Variants in LRRFIP2 observed in about 807,000 individuals in gnomAD.
LRRFIP2 encodes leucine-rich repeat flightless-interacting protein 2.
Under a neutral mutation model 125.9 loss-of-function variants are expected in LRRFIP2, and 109 were observed. The observed-to-expected ratio is 0.87, with a 90% CI of 0.74 to 1.01. LRRFIP2 has a LOEUF of 1.01. LRRFIP2 is among the 50% of genes least tolerant of loss of function. LRRFIP2 has a pLI of 0.00. For missense variants in LRRFIP2, 850 were observed against 862.3 expected (o/e 0.99, Z 0.18); for synonymous variants, 291 against 293.1 (o/e 0.99, Z 0.07).
In LRRFIP2 at chr3:37,100,212, C is replaced by T. The variant is rs79381289; in HGVS notation, c.873+2712G>A. ...ATACACAAATCACCTGTAATCCCAG[C>T]GCTTTGAGAGACTGAGGCAGGAAGA... On this transcript the variant is annotated intron_variant, in intron 15 of 27. Transcript: ENST00000336686. Among the ~76,000 whole-genome samples the T allele has an allele frequency of 6.1e-4, 93 of 152,072 alleles. No homozygotes were observed. In the East Asian group the frequency reaches 9.5e-3, roughly 15 times the overall value.
chr3:37,100,635 C>G (rs2093988177), intron 15 of LRRFIP2, among the ~76,000 whole-genome samples: 1 of 151,982 alleles, frequency 6.6e-6, no homozygotes, highest in Non-Finnish European at 1.5e-5. Context: ...TATGTAAGTA[C>G]TAAAGTAAAT....
intron 16 of LRRFIP2, among the ~76,000 whole-genome samples, chr3:37,096,248 C>A (rs1270715192): frequency 6.6e-6 from 1 of 152,088 alleles, no homozygotes; most frequent in East Asian, 1.9e-4. Context: ...TATTTTACTT[C>A]AAGAAACAAT....
intron 25 of LRRFIP2, among the ~76,000 whole-genome samples, chr3:37,058,300 C>T (rs557469726): frequency 4.6e-5 from 7 of 152,208 alleles, no homozygotes; most frequent in African/African-American, 1.2e-4. Context: ...AGCCTCTATT[C>T]AGCTATATTG....
chr3:37,065,964 C>T (rs770304372), intron 22 of LRRFIP2, 22 bp from the exon 23 acceptor site: 1 of 1,613,992 alleles, frequency 6.2e-7, no homozygotes, highest in South Asian at 1.1e-5. Context: ...AAAAACCCAC[C>T]ATCACAAAAG....
At chr3:37,118,286 C>A (rs1365409853) in intron 6 of LRRFIP2, among the ~76,000 whole-genome samples, 2 of 152,170 alleles carry the variant, frequency 1.3e-5, no homozygotes, top group Non-Finnish European at 2.9e-5. Context: ...CCAGGCTGAT[C>A]TCAAACTCCT....
intron 19 of LRRFIP2, among the ~76,000 whole-genome samples, chr3:37,075,726 A>C (rs935582103): frequency 8.5e-5 from 13 of 152,154 alleles, no homozygotes; most frequent in Non-Finnish European, 1.9e-4. Flanking sequence ...TGAAAGAAAA[A>C]CACAAGAAAA....
At chr3:37,063,546 A>G (rs1036290272) in intron 24 of LRRFIP2, among the ~76,000 whole-genome samples, 196 bp downstream of exon 24, 4 of 152,254 alleles carry the variant, frequency 2.6e-5, no homozygotes, top group Admixed American at 2.6e-4. Context: ...GACTCCTTAA[A>G]CTATGTGTCC....
chr3:37,085,930 A>G (rs1423261974), intron 18 of LRRFIP2, among the ~76,000 whole-genome samples: 1 of 152,198 alleles, frequency 6.6e-6, no homozygotes, highest in Admixed American at 6.5e-5. Flanking sequence ...GAAAGTAAAA[A>G]GACAACCCAC....
intron 6 of LRRFIP2, among the ~76,000 whole-genome samples, chr3:37,117,860 A>G (rs2094864563): frequency 6.6e-6 from 1 of 152,210 alleles, no homozygotes; most frequent in Admixed American, 6.5e-5. Context: ...TTTTGGGTGT[A>G]CTGGCTCTAC....
intron 19 of LRRFIP2, among the ~76,000 whole-genome samples, chr3:37,081,763 C>T (rs2149026868): frequency 6.6e-6 from 1 of 151,914 alleles, no homozygotes; most frequent in African/African-American, 2.4e-5. Context: ...TGGTACGTGC[C>T]TGTAGTCCCA....
At chr3:37,076,893 A>G (rs1196118908) in intron 19 of LRRFIP2, among the ~76,000 whole-genome samples, 3 of 152,150 alleles carry the variant, frequency 2.0e-5, no homozygotes, top group Non-Finnish European at 4.4e-5. Context: ...AAAACTAGAA[A>G]GAAAGAAAAC....
intron 15 of LRRFIP2, among the ~76,000 whole-genome samples, chr3:37,097,704 A>C (rs1431348542): frequency 6.6e-6 from 1 of 152,182 alleles, no homozygotes; most frequent in Non-Finnish European, 1.5e-5. Context: ...CAGTATTTCA[A>C]GAAGGGAGGT....
At chr3:37,123,390 T>C (rs1174586162) in intron 4 of LRRFIP2, among the ~76,000 whole-genome samples, 1 of 152,214 alleles carries the variant, frequency 6.6e-6, no homozygotes, top group Admixed American at 6.5e-5. Context: ...GGTTTCGCCA[T>C]GTTGGCCAGG....
rs562651068 is a variant in LRRFIP2 at position 37,102,825 on chromosome 3, T to C, written c.873+99A>G. 28 of 823,364 alleles carry C rather than the reference T, an allele frequency of 3.4e-5. No individual in the cohort carries two copies. The African/African-American group carries it at 3.8e-4, about 11-fold the overall frequency. 51.0% of individuals were successfully genotyped at this position (823,364 alleles called of 1,614,324 possible). ...CCCAAACAAATATTTCTTAAGACAA[T>C]AAATCAAGTTCCCACTTTTATTATA... On this transcript the variant is annotated intron_variant, in intron 15 of 27. Transcript: ENST00000336686.
At chr3:37,144,633 A>AAAG (rs2095810880) in intron 2 of LRRFIP2, among the ~76,000 whole-genome samples, 1 of 152,214 alleles carries the variant, frequency 6.6e-6, no homozygotes, top group African/African-American at 2.4e-5. Flanking sequence ...AATGACTTTA[A>AAAG]AAGAAGAAAA....
chr3:37,095,994 T>C (rs1229764550), intron 16 of LRRFIP2, among the ~76,000 whole-genome samples: 1 of 152,182 alleles, frequency 6.6e-6, no homozygotes, highest in Non-Finnish European at 1.5e-5. Context: ...GATATTTGGA[T>C]TAAATAAAAT....
intron 1 of LRRFIP2, among the ~76,000 whole-genome samples, chr3:37,158,724 G>C (rs1217958269): frequency 6.6e-6 from 1 of 151,818 alleles, no homozygotes; most frequent in African/African-American, 2.4e-5. Flanking sequence ...AAAAAGTAAG[G>C]GAAATGGGAA....
chr3:37,097,259 C>CGT (rs2093768552), intron 15 of LRRFIP2, among the ~76,000 whole-genome samples: 2 of 151,390 alleles, frequency 1.3e-5, no homozygotes, highest in Non-Finnish European at 2.9e-5. Context: ...CCTACCATGC[C>CGT]ATACCCTGAC....
At chr3:37,091,681 C>CT in intron 17 of LRRFIP2, 143 bp from the exon 18 acceptor site, 1 of 614,086 alleles carries the variant, frequency 1.6e-6, no homozygotes, top group Non-Finnish European at 2.8e-6. Flanking sequence ...ATAACTCCCA[C>CT]TCCCAACCAC....
Sources: gnomAD v4.1 joint callset for allele counts (sites outside exome capture counted in the v4.1 genomes callset) on GRCh38, gnomAD v4.1.1 for gene constraint, MANE v1.5 for transcripts, NCBI Gene and HGNC (gene_info 2026-07-23, HGNC 2026-07-21) for gene names.